The following WDR7 variants were observed in gnomAD, a reference collection of about 807,000 sequenced individuals.
WDR7 encodes the protein WD repeat domain 7, also known as WD repeat-containing protein 7.
WDR7 carries 46 observed loss-of-function variants against 169.4 expected under a neutral mutation model. That is an observed-to-expected ratio of 0.27 (90% CI 0.21 to 0.35). The LOEUF (loss-of-function observed/expected upper bound fraction) is 0.35. Ranked by LOEUF, WDR7 falls within the 10% of genes least tolerant of loss-of-function variation. WDR7 has a pLI of 1.00. For missense variants in WDR7, 1,534 were observed against 1,859.3 expected (o/e 0.83, Z 3.22); for synonymous variants, 612 against 666.8 (o/e 0.92, Z 1.27).
At chr18:56,958,828 C>A (rs1415280881) in intron 25 of WDR7, among the ~76,000 whole-genome samples, 1 of 152,106 alleles carries the variant, frequency 6.6e-6, no homozygotes, top group Non-Finnish European at 1.5e-5. Flanking sequence ...TCATAAAAAT[C>A]CATGTTTAGC....
intron 12 of WDR7, among the ~76,000 whole-genome samples, chr18:56,700,758 A>T (rs1029636559): frequency 1.7e-4 from 25 of 149,600 alleles, no homozygotes; most frequent in African/African-American, 6.2e-4. Context: ...TTTAGTAGAG[A>T]CGGGGTTTCA....
intron 23 of WDR7, among the ~76,000 whole-genome samples, chr18:56,936,955 TA>T (rs1217318381): frequency 6.6e-6 from 1 of 152,180 alleles, no homozygotes; most frequent in Non-Finnish European, 1.5e-5. Flanking sequence ...TATATGAGCA[TA>T]AATGGCCAAT....
At chr18:56,927,746 CTATT>C (rs1326679965) in intron 22 of WDR7, among the ~76,000 whole-genome samples, 2 of 152,172 alleles carry the variant, frequency 1.3e-5, no homozygotes, top group East Asian at 1.9e-4. Context: ...CAAATTTTAA[CTATT>C]AATTAATCAA....
chr18:56,981,204 G>A (rs2047639711), intron 26 of WDR7, among the ~76,000 whole-genome samples: 1 of 152,178 alleles, frequency 6.6e-6, no homozygotes, highest in Non-Finnish European at 1.5e-5. Context: ...AAGAGAGAAT[G>A]AAGTTTTGAG....
At chr18:56,777,372 C>G (rs2044256079) in intron 17 of WDR7, among the ~76,000 whole-genome samples, 1 of 152,060 alleles carries the variant, frequency 6.6e-6, no homozygotes, top group South Asian at 2.1e-4. Flanking sequence ...AGGAATTTAC[C>G]TATTTACCCT....
chr18:56,684,090 T>C (rs2025400593), intron 5 of WDR7, among the ~76,000 whole-genome samples: 2 of 152,044 alleles, frequency 1.3e-5, no homozygotes, highest in African/African-American at 4.8e-5. Context: ...ATTTGGAAGA[T>C]GAGAAAGAGT....
chr18:56,729,820 A>G (rs2026543387), intron 13 of WDR7, among the ~76,000 whole-genome samples: 1 of 152,184 alleles, frequency 6.6e-6, no homozygotes, highest in Admixed American at 6.5e-5. Context: ...AAAATTACTA[A>G]TTTTTATTTG....
chr18:56,732,061 C>T (rs142617488), intron 14 of WDR7, among the ~76,000 whole-genome samples: 9 of 152,252 alleles, frequency 5.9e-5, no homozygotes, highest in Non-Finnish European at 1.2e-4. Context: ...TTTCAGAATA[C>T]GTATGATGGT....
chr18:56,804,875 T>C (rs2044742683), intron 19 of WDR7, among the ~76,000 whole-genome samples: 1 of 152,240 alleles, frequency 6.6e-6, no homozygotes. Context: ...CAAATGCTTA[T>C]ACACAAAGTC....
intron 26 of WDR7, among the ~76,000 whole-genome samples, chr18:56,964,391 G>A (rs1481687644): frequency 6.6e-6 from 1 of 151,684 alleles, no homozygotes; most frequent in Non-Finnish European, 1.5e-5. Context: ...TTGTTTTTGG[G>A]ATGGAGTGTC....
At chr18:56,800,734 T>G (rs2044658088) in intron 19 of WDR7, among the ~76,000 whole-genome samples, 1 of 152,240 alleles carries the variant, frequency 6.6e-6, no homozygotes, top group South Asian at 2.1e-4. Flanking sequence ...CTCTTTTAAG[T>G]TTGCTTCAGT....
At chr18:56,662,307 TG>T (rs2024921570) in intron 1 of WDR7, among the ~76,000 whole-genome samples, 1 of 152,174 alleles carries the variant, frequency 6.6e-6, no homozygotes, top group Non-Finnish European at 1.5e-5. Context: ...ACAAACAGTG[TG>T]GAGGAATTAA....
intron 26 of WDR7, among the ~76,000 whole-genome samples, chr18:57,002,492 A>T (rs1392894980): frequency 3.3e-5 from 5 of 152,168 alleles, no homozygotes; most frequent in Admixed American, 3.3e-4. Flanking sequence ...TGTGTCTCTG[A>T]ATTACTGTTT....
chr18:56,729,376 T>A (rs1051857495), intron 13 of WDR7, among the ~76,000 whole-genome samples: 10 of 152,142 alleles, frequency 6.6e-5, no homozygotes, highest in Non-Finnish European at 1.3e-4. Flanking sequence ...GAATATGAAG[T>A]TCTATACTAA....
intron 13 of WDR7, among the ~76,000 whole-genome samples, chr18:56,730,043 T>C (rs2026548157): frequency 6.6e-6 from 1 of 152,234 alleles, no homozygotes. Context: ...TTTTTTCTCA[T>C]AGATTTGTTA....
chr18:56,813,137 A>T (rs1271715082), intron 19 of WDR7, among the ~76,000 whole-genome samples: 1 of 151,708 alleles, frequency 6.6e-6, no homozygotes, highest in Admixed American at 6.6e-5. Flanking sequence ...ATATGTAACT[A>T]ACCTGCACAA....
chr18:56,824,390 G>A (rs1212984231), intron 20 of WDR7, among the ~76,000 whole-genome samples: 1 of 152,174 alleles, frequency 6.6e-6, no homozygotes, highest in Non-Finnish European at 1.5e-5. Flanking sequence ...CACTTTCTGA[G>A]TCATGTGGGC....
At chr18:56,737,191 C>G (rs1176946375) in intron 14 of WDR7, among the ~76,000 whole-genome samples, 1 of 151,980 alleles carries the variant, frequency 6.6e-6, no homozygotes, top group Non-Finnish European at 1.5e-5. Flanking sequence ...ATATAGATAA[C>G]CAGTCATTTA....
chr18:56,827,850 A>C (rs1250179492), intron 20 of WDR7, among the ~76,000 whole-genome samples: 1 of 152,050 alleles, frequency 6.6e-6, no homozygotes, highest in Non-Finnish European at 1.5e-5. Context: ...TACCCACAAA[A>C]ATGAAAAATT....
Sources: allele counts gnomAD v4.1 joint callset (sites outside exome capture counted in the v4.1 genomes callset), GRCh38; gene constraint gnomAD v4.1.1; transcripts MANE v1.5; gene names NCBI Gene and HGNC (gene_info 2026-07-23, HGNC 2026-07-21).